Variants in TSC1 observed in about 807,000 individuals in gnomAD.
The protein encoded by TSC1 is hamartin.
TSC1 carries 20 observed loss-of-function variants against 124.3 expected under a neutral mutation model. The ratio of observed to expected loss-of-function variants is 0.16; its 90% confidence interval spans 0.11 to 0.23. TSC1 has a LOEUF of 0.23. TSC1 is among the 10% of genes least tolerant of loss of function. The probability of loss-of-function intolerance (pLI) is 1.00; values close to 1 mark genes in which losing one functional copy is unlikely to be tolerated. For synonymous variants in TSC1, 493 were observed against 539.1 expected (o/e 0.91, Z 1.19); for missense variants, 1,124 against 1,448.5 (o/e 0.78, Z 3.64).
intron 2 of TSC1, among the ~76,000 whole-genome samples, chr9:132,934,744 T>C (rs549921350): frequency 3.9e-5 from 6 of 152,212 alleles, no homozygotes; most frequent in Non-Finnish European, 7.3e-5. Context: ...CTATGCATCT[T>C]TAGGAAAATT....
At chr9:132,939,581 A>C (rs1257466938) in intron 1 of TSC1, among the ~76,000 whole-genome samples, 6 of 152,248 alleles carry the variant, frequency 3.9e-5, no homozygotes, top group Non-Finnish European at 7.3e-5. Flanking sequence ...TATCTCTTCA[A>C]TAAATAATGC....
At chr9:132,934,884 T>C in intron 2 of TSC1, 149 bp downstream of exon 2, 1 of 396,282 alleles carries the variant, frequency 2.5e-6, no homozygotes, top group Non-Finnish European at 4.4e-6. Flanking sequence ...CTAATAATCA[T>C]CAGTAATGTG....
chr9:132,936,785 G>A (rs1847474991), intron 1 of TSC1, among the ~76,000 whole-genome samples: 1 of 152,108 alleles, frequency 6.6e-6, no homozygotes, highest in Non-Finnish European at 1.5e-5. Context: ...CAGCTTCTTT[G>A]GCAGCCATTC....
intron 19 of TSC1, among the ~76,000 whole-genome samples, chr9:132,901,374 G>A (rs1845362941): frequency 6.6e-6 from 1 of 152,210 alleles, no homozygotes; most frequent in Non-Finnish European, 1.5e-5. Context: ...CAGCACCCTG[G>A]CTCCTACCCA....
At chr9:132,942,634 T>C (rs1426031632) in intron 1 of TSC1, among the ~76,000 whole-genome samples, 1 of 152,228 alleles carries the variant, frequency 6.6e-6, no homozygotes, top group African/African-American at 2.4e-5. Context: ...ACAAGAAGGC[T>C]GGTAGCCACC....
intron 2 of TSC1, among the ~76,000 whole-genome samples, chr9:132,930,969 A>G (rs1276055922): frequency 6.6e-6 from 1 of 152,230 alleles, no homozygotes; most frequent in African/African-American, 2.4e-5. Flanking sequence ...GGTATCAGGT[A>G]CATATAAACA....
At chr9:132,944,718 CGG>C (rs2132542296), upstream of TSC1, 3 of 398,244 alleles carry the variant, frequency 7.5e-6, no homozygotes, top group South Asian at 3.8e-4. Context: ...GAAGGATAGA[CGG>C]CCGCGCTCGG....
intron 15 of TSC1, among the ~76,000 whole-genome samples, chr9:132,905,092 A>G (rs1845584085): frequency 6.6e-6 from 1 of 152,170 alleles, no homozygotes; most frequent in Non-Finnish European, 1.5e-5. Context: ...TGGGTGCCTC[A>G]GGGGGTCTGG....
intron 8 of TSC1, among the ~76,000 whole-genome samples, chr9:132,916,592 T>C (rs940410189): frequency 6.6e-5 from 10 of 152,252 alleles, no homozygotes; most frequent in African/African-American, 2.2e-4. Context: ...GAGTATACTA[T>C]GATAATATTT....
chr9:132,910,887 G>T, intron 11 of TSC1, 115 bp downstream of exon 11: 3 of 1,303,048 alleles, frequency 2.3e-6, no homozygotes, highest in African/African-American at 1.5e-5. Flanking sequence ...TTTGCAATAA[G>T]TGTCAAAAAC....
rs1275973768 is a variant in TSC1 at position 132,892,518 on chromosome 9, A to T, written c.*3717T>A. The stretch of plus-strand genomic sequence containing the variant: ...AGGTGGGGCAGAGCCCCCTGGGGGA[A>T]CAACTCTCCAAGAGTATCCGCAGGA... On this transcript the variant is annotated 3_prime_UTR_variant, in exon 23 of 23. Transcript: ENST00000298552. 2 of 233,386 alleles carry T rather than the reference A, an allele frequency of 8.6e-6. No homozygotes were observed. Among genetic ancestry groups the T allele is most frequent in the Non-Finnish European group, 8.5e-6 (1 of 118,116 alleles). 14.5% of individuals were successfully genotyped at this position (233,386 alleles called of 1,614,324 possible).
At chr9:132,912,229 T>C in intron 9 of TSC1, 53 bp downstream of exon 9, 1 of 1,604,104 alleles carries the variant, frequency 6.2e-7, no homozygotes, top group African/African-American at 1.3e-5. Context: ...AGACAAATAA[T>C]GTTTTCCAGA....
intron 5 of TSC1, chr9:132,925,156 C>T (rs1846784332): frequency 5.5e-6 from 1 of 180,224 alleles, no homozygotes; most frequent in African/African-American, 2.4e-5. Flanking sequence ...GTAGAATTTA[C>T]ATCAACAAAG....
rs1237164604 is a variant in TSC1, at chr9:132,896,873, G to A, written c.2976-119C>T. The A allele has an allele frequency of 6.8e-7, 1 of 1,480,870 alleles. No homozygotes were observed. Among genetic ancestry groups the A allele is most frequent in the Non-Finnish European group, 9.4e-7 (1 of 1,064,316 alleles). The allele number at this position is 1,480,870 out of a possible 1,614,324, so 91.7% of individuals were successfully genotyped here. A position where few individuals can be genotyped will look rare whatever the true frequency, so the allele number is the denominator to read the frequency against. ...ACTGAACTCCGCTAGCCCACTCTCT[G>A]TTTTATAATACTGGACTCAAGAGAT... On this transcript the variant is annotated intron_variant, in intron 22 of 22. Transcript: ENST00000298552. The surrounding 1 kb of genome is among the most constrained non-coding windows in gnomAD (Gnocchi z 4.5).
At position 132,925,592 on chromosome 9, in the gene TSC1, G is replaced by C. The variant is rs1554820263; in HGVS notation, c.358C>G (p.Leu120Val). Residue 120 changes from leucine to valine, a missense_variant, in exon 5 of 23, where the codon CTC becomes GTC. Leu to Val is a conservative substitution (Grantham distance 32). Around this residue, in one of 5 missense-constraint regions of TSC1, gnomAD observed 463 missense variants for 606.8 expected, o/e 0.76. Coordinates refer to ENST00000298552, the MANE Select transcript of TSC1 (RefSeq NM_000368.5). ...AATCCTTACAAACATCCTACCTTGA[G>C]ACATTTTAGTAAAGAAGGCAAAAGA... ...APLLPSLLKC[L>V]KMDTDVVVLT... 1.2e-6 allele frequency: 2 copies of C among 1,614,170 alleles called. No homozygotes were observed. Among genetic ancestry groups the C allele is most frequent in the East Asian group, 2.2e-5 (1 of 44,884 alleles).
At position 132,903,942 on chromosome 9, in the gene TSC1, C is replaced by T; in HGVS notation, c.2042-125G>A. ...TAAAAACAAATCACCACTCTCTTTG[C>T]AAATGACCACTTGACTCCCAGCAAC... On this transcript the variant is annotated intron_variant, in intron 16 of 22. Coordinates refer to ENST00000298552, the MANE Select transcript of TSC1 (RefSeq NM_000368.5). The surrounding 1 kb of genome is among the most constrained non-coding windows in gnomAD (Gnocchi z 5.9). 8.7e-7 allele frequency: 1 copy of T among 1,143,918 alleles called. No individual in the cohort carries two copies. The highest frequency in any genetic ancestry group is 1.3e-6 in the Non-Finnish European group (1 of 786,204). 70.9% of individuals were successfully genotyped at this position (1,143,918 alleles called of 1,614,324 possible). A position where few individuals can be genotyped will look rare whatever the true frequency, so the allele number is the denominator to read the frequency against.
At chr9:132,910,301 C>CAA (rs10712193) in intron 12 of TSC1, 1,258 of 477,334 alleles carry the variant, frequency 2.6e-3, no homozygotes, top group East Asian at 3.2e-3. Context: ...ACCCTGTCTC[C>CAA]AAAAAAAAAA....
chr9:132,910,428 T>C (rs1347532073), intron 12 of TSC1, 143 bp downstream of exon 12: 1 of 1,481,014 alleles, frequency 6.8e-7, no homozygotes, highest in Non-Finnish European at 9.4e-7. Flanking sequence ...GAGCAGCTTG[T>C]TAGTCCATTT....
chr9:132,943,182 T>G (rs1376912222), intron 1 of TSC1, among the ~76,000 whole-genome samples: 1 of 152,132 alleles, frequency 6.6e-6, no homozygotes, highest in Non-Finnish European at 1.5e-5. Context: ...TTTAGCACTT[T>G]TATAGCTTAC....
Sources: gnomAD v4.1 joint callset for allele counts (sites outside exome capture counted in the v4.1 genomes callset) on GRCh38, gnomAD v4.1.1 for gene constraint, gnomAD v4.1.1 regional missense constraint, Gnocchi (gnomAD v3.1) non-coding constraint, MANE v1.5 for transcripts, NCBI Gene and HGNC (gene_info 2026-07-23, HGNC 2026-07-21) for gene names.